Variants in LRRTM4 observed in about 807,000 individuals in gnomAD.
LRRTM4 encodes leucine-rich repeat transmembrane neuronal protein 4.
Under a neutral mutation model 47.6 loss-of-function variants are expected in LRRTM4, and 25 were observed. The ratio of observed to expected loss-of-function variants is 0.53; its 90% CI spans 0.38 to 0.73. LRRTM4 has a LOEUF of 0.73. Among genes scored for constraint, LRRTM4 ranks in the 30% least tolerant of loss-of-function variants. LRRTM4 has a pLI of 0.00. For synonymous variants in LRRTM4, 311 were observed against 269.5 expected, an observed-to-expected ratio of 1.15 and a Z score of -1.51; for missense variants, 638 against 713.4, an observed-to-expected ratio of 0.89 and a Z score of 1.20.
chr2:77,111,717 T>G lies in LRRTM4; in HGVS notation c.1552-362801A>C, dbSNP rs372981508. ...TGCTTGTGTTCAAGTAACCCTTATT[T>G]AACTTACTAATGGCCCTAGAGTGCA... On this transcript the variant is annotated intron_variant, in intron 3 of 3. Coordinates refer to ENST00000409884, the MANE Select transcript of LRRTM4 (RefSeq NM_001134745.3). Among the ~76,000 whole-genome samples the G allele has an allele frequency of 3.9e-5, 6 of 152,076 alleles. No homozygotes were observed. The South Asian group carries it at 1.2e-3, about 32-fold the overall frequency.
At chr2:77,242,951 G>A (rs1675310459) in intron 3 of LRRTM4, among the ~76,000 whole-genome samples, 5 of 152,040 alleles carry the variant, frequency 3.3e-5, no homozygotes. Context: ...ATTCAGAATA[G>A]CCAAAAGGTG....
intron 3 of LRRTM4, among the ~76,000 whole-genome samples, chr2:77,029,135 T>C (rs1228378826): frequency 1.3e-5 from 2 of 149,768 alleles, no homozygotes. Context: ...GACAGTAGAA[T>C]CTATGAGTTA....
intron 3 of LRRTM4, among the ~76,000 whole-genome samples, chr2:77,113,998 C>T (rs1291345397): frequency 1.3e-5 from 2 of 151,998 alleles, no homozygotes; most frequent in Non-Finnish European, 2.9e-5. Flanking sequence ...CCAAAGTCAC[C>T]AGAATTAGAT....
chr2:77,448,665 G>A (rs1473035557), intron 3 of LRRTM4, among the ~76,000 whole-genome samples: 1 of 151,992 alleles, frequency 6.6e-6, no homozygotes, highest in African/African-American at 2.4e-5. Flanking sequence ...TATTAGTGTG[G>A]GCATGAGAGA....
At chr2:77,048,131 ATTATG>A (rs1290836184) in intron 3 of LRRTM4, among the ~76,000 whole-genome samples, 19 of 152,074 alleles carry the variant, frequency 1.2e-4, no homozygotes, top group African/African-American at 4.3e-4. Flanking sequence ...AATGGAAGAT[ATTATG>A]TTAGGGAAAA....
rs1202468482 is a variant in LRRTM4 at position 77,216,061 on chromosome 2, A to C, written c.1551+302257T>G. ...GAGGGGTGCCTTCTATTTTTTGTAG[A>C]AAAGCTGAGGACTATGATACATTAA... On this transcript the variant is annotated intron_variant, in intron 3 of 3. Transcript: ENST00000409884. 2.7e-5 allele frequency among the ~76,000 whole-genome samples: 4 copies of C among 150,942 alleles called. No individual in the cohort carries two copies. In the South Asian group the frequency reaches 8.4e-4, roughly 32 times the overall value.
intron 3 of LRRTM4, among the ~76,000 whole-genome samples, chr2:77,002,878 G>A (rs75140668): frequency 3.3e-5 from 5 of 151,964 alleles, no homozygotes; most frequent in African/African-American, 7.3e-5. Flanking sequence ...TTGAGCTTAC[G>A]TTTTGGAGTA....
intron 3 of LRRTM4, among the ~76,000 whole-genome samples, chr2:76,832,136 T>C (rs1671370706): frequency 6.6e-6 from 1 of 152,096 alleles, no homozygotes; most frequent in Admixed American, 6.6e-5. Context: ...AGGAACAAAT[T>C]AGTTTTGATA....
chr2:77,078,818 T>C (rs1321161010), intron 3 of LRRTM4, among the ~76,000 whole-genome samples: 3 of 152,152 alleles, frequency 2.0e-5, no homozygotes, highest in Admixed American at 2.0e-4. Flanking sequence ...CAAAATACTA[T>C]AGACTGAGTA....
chr2:77,441,401 C>A (rs111648006), intron 3 of LRRTM4, among the ~76,000 whole-genome samples: 4,282 of 152,266 alleles, frequency 0.028, 185 homozygotes, highest in African/African-American at 0.096. Context: ...TCGTGCCAAG[C>A]ACTTTAAGTA....
intron 3 of LRRTM4, among the ~76,000 whole-genome samples, chr2:77,256,253 T>C (rs1054323463): frequency 2.0e-5 from 3 of 152,104 alleles, no homozygotes; most frequent in Non-Finnish European, 2.9e-5. Context: ...TTGCCCAATA[T>C]CAATTAAGAA....
intron 3 of LRRTM4, among the ~76,000 whole-genome samples, chr2:77,307,506 C>T (rs1043835613): frequency 2.1e-5 from 3 of 144,042 alleles, no homozygotes; most frequent in African/African-American, 7.6e-5. Context: ...TTCTATTACA[C>T]ACACACTACA....
chr2:77,196,728 G>C (rs1347743090), intron 3 of LRRTM4, among the ~76,000 whole-genome samples: 1 of 152,130 alleles, frequency 6.6e-6, no homozygotes, highest in African/African-American at 2.4e-5. Context: ...ATGACACAGT[G>C]AGATCCTTTC....
chr2:76,914,158 G>A (rs908879445), intron 3 of LRRTM4, among the ~76,000 whole-genome samples: 4 of 151,432 alleles, frequency 2.6e-5, no homozygotes, highest in South Asian at 2.1e-4. Context: ...CATGTTTTCC[G>A]GCTTTTTATT....
At chr2:77,445,406 G>A (rs769447049) in intron 3 of LRRTM4, among the ~76,000 whole-genome samples, 5 of 151,840 alleles carry the variant, frequency 3.3e-5, no homozygotes, top group Non-Finnish European at 5.9e-5. Context: ...GCTGGACTAA[G>A]TCTCTTCTAC....
intron 3 of LRRTM4, among the ~76,000 whole-genome samples, chr2:77,148,473 C>A (rs189507763): frequency 1.3e-5 from 2 of 152,170 alleles, no homozygotes; most frequent in Admixed American, 6.5e-5. Flanking sequence ...GGCATTGCCC[C>A]AAACACAAAC....
At chr2:77,257,817 G>A (rs557124602) in intron 3 of LRRTM4, among the ~76,000 whole-genome samples, 30 of 151,846 alleles carry the variant, frequency 2.0e-4, no homozygotes, top group African/African-American at 7.2e-4. Context: ...AATGGCAAAC[G>A]ACCATGTGGG....
intron 3 of LRRTM4, among the ~76,000 whole-genome samples, chr2:76,953,212 C>CAAGAAG (rs1675555581): frequency 6.7e-6 from 1 of 149,418 alleles, no homozygotes; most frequent in Non-Finnish European, 1.5e-5. Context: ...AAACTTCAAA[C>CAAGAAG]AAGAAGAGTT....
chr2:76,895,427 G>A (rs566664668), intron 3 of LRRTM4, among the ~76,000 whole-genome samples: 1 of 152,118 alleles, frequency 6.6e-6, no homozygotes, highest in South Asian at 2.1e-4. Flanking sequence ...CACAAATGTT[G>A]TCAGAACAAA....
Sources: gnomAD v4.1 joint callset for allele counts (sites outside exome capture counted in the v4.1 genomes callset) on GRCh38, gnomAD v4.1.1 for gene constraint, MANE v1.5 for transcripts, NCBI Gene and HGNC (gene_info 2026-07-23, HGNC 2026-07-21) for gene names.